The following GPR158 variants were observed in gnomAD, a reference collection of about 807,000 sequenced individuals.
GPR158 encodes the protein metabotropic glycine receptor.
GPR158 carries 30 observed loss-of-function variants against 78.2 expected under a neutral mutation model. The ratio of observed to expected loss-of-function variants is 0.38; its 90% confidence interval spans 0.29 to 0.52. The LOEUF (loss-of-function observed/expected upper bound fraction) is 0.52, where lower values mean the gene tolerates loss of function less well. Ranked by LOEUF, GPR158 falls within the 20% of genes least tolerant of loss-of-function variation. GPR158 has a pLI of 0.83. For missense variants in GPR158, 1,463 were observed against 1,523.5 expected, an observed-to-expected ratio of 0.96 and a Z score of 0.66; for synonymous variants, 581 against 591.1, an observed-to-expected ratio of 0.98 and a Z score of 0.25.
chr10:25,302,086 T>C (rs936735423), intron 2 of GPR158, among the ~76,000 whole-genome samples: 6 of 141,420 alleles, frequency 4.2e-5, no homozygotes, highest in South Asian at 2.2e-4. Flanking sequence ...TTTTTTTTTT[T>C]CTTGAGATGG....
chr10:25,455,535 A>T (rs1272431936), intron 4 of GPR158, among the ~76,000 whole-genome samples: 1 of 152,166 alleles, frequency 6.6e-6, no homozygotes, highest in African/African-American at 2.4e-5. Context: ...AATGTGTAAA[A>T]TAATCTATGT....
chr10:25,248,366 G>C (rs189876630), intron 2 of GPR158, among the ~76,000 whole-genome samples: 2,668 of 152,208 alleles, frequency 0.018, 65 homozygotes, highest in African/African-American at 0.052. Context: ...ATTGCTTTTG[G>C]TGTTTTGGAC....
In GPR158 at chr10:25,268,986, G is replaced by A. The variant is rs141050439; in HGVS notation, c.1008+47829G>A. On this transcript the variant is annotated intron_variant, in intron 2 of 10. Transcript: ENST00000376351. ...CAATAACCTCTTTAAGCAATTACTT[G>A]TGCCTTTAAAGCAAATTACAAATTC... 8.9e-3 allele frequency among the ~76,000 whole-genome samples: 1,354 copies of A among 152,190 alleles called. 11 individuals carry two copies. Among genetic ancestry groups the A allele is most frequent in the Middle Eastern group, 0.068 (20 of 294 alleles).
intron 2 of GPR158, among the ~76,000 whole-genome samples, chr10:25,285,291 ATATG>A (rs568296952): frequency 6.6e-6 from 1 of 151,808 alleles, no homozygotes; most frequent in Non-Finnish European, 1.5e-5. Context: ...GTATGCATTG[ATATG>A]TATGTATGTA....
intron 4 of GPR158, among the ~76,000 whole-genome samples, chr10:25,440,199 T>C (rs574390721): frequency 2.0e-5 from 3 of 152,230 alleles, no homozygotes; most frequent in Admixed American, 6.5e-5. Context: ...TCTCTTACCA[T>C]ACACAGATCT....
chr10:25,277,231 C>T (rs1013414454), intron 2 of GPR158, among the ~76,000 whole-genome samples: 2 of 152,074 alleles, frequency 1.3e-5, no homozygotes, highest in African/African-American at 2.4e-5. Context: ...GGACCACAGG[C>T]GTGTTCCACA....
chr10:25,490,720 C>T (rs1296149753), intron 5 of GPR158, among the ~76,000 whole-genome samples: 1 of 146,434 alleles, frequency 6.8e-6, no homozygotes, highest in Non-Finnish European at 1.5e-5. Flanking sequence ...GCTTCCAAGT[C>T]TTTGCTATTG....
intron 9 of GPR158, 136 bp from the exon 10 acceptor site, chr10:25,596,507 C>A (rs762070155): frequency 3.7e-5 from 22 of 591,740 alleles, no homozygotes; most frequent in Middle Eastern, 4.5e-4. Flanking sequence ...ATCTATCTAT[C>A]TATATATATA....
At chr10:25,322,042 A>G (rs901681878) in intron 2 of GPR158, among the ~76,000 whole-genome samples, 3 of 152,200 alleles carry the variant, frequency 2.0e-5, no homozygotes, top group Non-Finnish European at 4.4e-5. Flanking sequence ...AAATTTGAGT[A>G]TATTCAGACC....
chr10:25,525,453 A>G (rs1836334804), intron 5 of GPR158, among the ~76,000 whole-genome samples: 2 of 152,224 alleles, frequency 1.3e-5, no homozygotes, highest in Non-Finnish European at 2.9e-5. Flanking sequence ...TAAAAAGGAA[A>G]GAAGTAGTGA....
chr10:25,460,183 T>A (rs1468823720), intron 4 of GPR158, among the ~76,000 whole-genome samples: 1 of 152,068 alleles, frequency 6.6e-6, no homozygotes, highest in East Asian at 1.9e-4. Flanking sequence ...TAATACCAAA[T>A]CAGAGATTTT....
intron 1 of GPR158, among the ~76,000 whole-genome samples, chr10:25,214,639 A>G (rs1485170636): frequency 2.6e-5 from 4 of 152,054 alleles, no homozygotes; most frequent in Non-Finnish European, 4.4e-5. Context: ...CTAACCTCCA[A>G]TATCTCAGAA....
intron 6 of GPR158, among the ~76,000 whole-genome samples, chr10:25,564,210 G>C (rs1836898564): frequency 6.6e-6 from 1 of 152,106 alleles, no homozygotes; most frequent in Admixed American, 6.6e-5. Flanking sequence ...TTTGTGTGTT[G>C]GGTATGTCAT....
At chr10:25,476,395 T>TC (rs1253170787) in intron 5 of GPR158, among the ~76,000 whole-genome samples, 1 of 151,660 alleles carries the variant, frequency 6.6e-6, no homozygotes, top group African/African-American at 2.4e-5. Flanking sequence ...TTTTTTTTTT[T>TC]TTTCTTTCCC....
chr10:25,541,768 A>G (rs1836588204), intron 5 of GPR158, among the ~76,000 whole-genome samples: 1 of 151,904 alleles, frequency 6.6e-6, no homozygotes, highest in South Asian at 2.1e-4. Flanking sequence ...GGTTTAGTTT[A>G]GTACTAGTAT....
At chr10:25,379,303 G>T (rs1834124268) in intron 2 of GPR158, among the ~76,000 whole-genome samples, 1 of 152,112 alleles carries the variant, frequency 6.6e-6, no homozygotes, top group African/African-American at 2.4e-5. Flanking sequence ...AGTGGTTCTG[G>T]ATGCATTATC....
intron 2 of GPR158, among the ~76,000 whole-genome samples, chr10:25,349,575 C>G (rs1204881603): frequency 1.4e-5 from 2 of 146,438 alleles, no homozygotes; most frequent in Non-Finnish European, 2.9e-5. Context: ...CTTTAGCTCT[C>G]TCTTTCCTGC....
chr10:25,563,808 CTG>C (rs199592608), intron 6 of GPR158, among the ~76,000 whole-genome samples: 2,315 of 152,150 alleles, frequency 0.015, 46 homozygotes, highest in African/African-American at 0.053. Context: ...TTTTATGCAT[CTG>C]TATTTTATCA....
chr10:25,461,403 A>C (rs982088925), intron 4 of GPR158, among the ~76,000 whole-genome samples: 1 of 152,224 alleles, frequency 6.6e-6, no homozygotes, highest in Non-Finnish European at 1.5e-5. Flanking sequence ...TCTAGATAGA[A>C]GATTAAACCA....
Sources: allele counts gnomAD v4.1 joint callset (sites outside exome capture counted in the v4.1 genomes callset), GRCh38; gene constraint gnomAD v4.1.1; transcripts MANE v1.5; gene names NCBI Gene and HGNC (gene_info 2026-07-23, HGNC 2026-07-21).